The following ATP10A variants were observed in gnomAD, a reference collection of about 807,000 sequenced individuals.
The protein encoded by ATP10A is phospholipid-transporting ATPase VA.
In ATP10A, 111 loss-of-function variants were observed where a neutral mutation model predicts 147.8. The ratio of observed to expected loss-of-function variants is 0.75; its 90% CI spans 0.64 to 0.88. The LOEUF is 0.88. ATP10A is among the 40% of genes least tolerant of loss of function. ATP10A has a pLI of 0.00. For synonymous variants in ATP10A, 875 were observed against 841.6 expected (o/e 1.04, Z -0.69); for missense variants, 1,927 against 1,959.0 (o/e 0.98, Z 0.31).
chr15:25,735,010 G>A (rs1017692380), intron 3 of ATP10A, among the ~76,000 whole-genome samples: 1 of 40,176 alleles, frequency 2.5e-5, no homozygotes, highest in Non-Finnish European at 4.9e-5. Flanking sequence ...GAGCGGGGGG[G>A]GGGTGGGGGG....
rs28804074 is a variant in ATP10A at position 25,827,620 on chromosome 15, G to C, written c.449+35028C>G. ...TTAGATGCTAATTAAAACCCACAAG[G>C]TGATTACTAAGGAAATAACCCCCAA... On this transcript the variant is annotated intron_variant, in intron 1 of 20. Transcript: ENST00000555815. Among the ~76,000 whole-genome samples the C allele has an allele frequency of 7.9e-3, 1,198 of 152,214 alleles. 12 individuals are homozygous for C. The highest frequency in any genetic ancestry group is 0.027 in the African/African-American group (1,132 of 41,528).
rs572474099 is a variant in ATP10A, at chr15:25,701,171, G to C, written c.2760+745C>G. 4.6e-5 allele frequency among the ~76,000 whole-genome samples: 7 copies of C among 152,326 alleles called. No homozygotes were observed. The South Asian group carries it at 1.0e-3, about 23-fold the overall frequency. On this transcript the variant is annotated intron_variant, in intron 13 of 20. Coordinates refer to ENST00000555815, the MANE Select transcript of ATP10A (RefSeq NM_024490.4). ...CTTACAGATGGAGTGAGAGGTCCTA[G>C]AGGCCAGGAGATGAGTGGGGGCTGC...
At chr15:25,711,396 C>T (rs556754973) in intron 10 of ATP10A, among the ~76,000 whole-genome samples, 2 of 152,196 alleles carry the variant, frequency 1.3e-5, no homozygotes, top group African/African-American at 4.8e-5. Context: ...TATCCACACC[C>T]CTCCACCGCT....
intron 1 of ATP10A, among the ~76,000 whole-genome samples, chr15:25,821,906 T>C (rs1256541573): frequency 6.6e-6 from 1 of 152,298 alleles, no homozygotes; most frequent in East Asian, 1.9e-4. Context: ...GGAAATACTG[T>C]GTACCTTTTA....
chr15:25,712,718 C>G (rs1344961713), intron 10 of ATP10A, among the ~76,000 whole-genome samples: 1 of 152,152 alleles, frequency 6.6e-6, no homozygotes, highest in African/African-American at 2.4e-5. Flanking sequence ...GGGAAGATCT[C>G]GCCCCGCGGT....
intron 1 of ATP10A, among the ~76,000 whole-genome samples, chr15:25,820,397 A>G (rs1891830026): frequency 6.6e-6 from 1 of 152,220 alleles, no homozygotes; most frequent in African/African-American, 2.4e-5. Flanking sequence ...GGCTAATACA[A>G]AGACATACCG....
chr15:25,795,959 T>C (rs1651290967), intron 1 of ATP10A, among the ~76,000 whole-genome samples: 2 of 151,884 alleles, frequency 1.3e-5, no homozygotes, highest in Admixed American at 1.3e-4. Context: ...GTGATTCTGC[T>C]CGCCTCTCCC....
chr15:25,773,556 T>A (rs1889448351), intron 2 of ATP10A, among the ~76,000 whole-genome samples: 1 of 152,012 alleles, frequency 6.6e-6, no homozygotes, highest in Admixed American at 6.6e-5. Flanking sequence ...TCCTCAATAG[T>A]GAGATTGGAA....
intron 6 of ATP10A, among the ~76,000 whole-genome samples, chr15:25,722,640 C>T (rs1902314442): frequency 6.6e-6 from 1 of 152,178 alleles, no homozygotes; most frequent in Admixed American, 6.5e-5. Flanking sequence ...AGCTACAGTC[C>T]TAACTCGAGG....
chr15:25,759,388 T>C (rs1888631188), intron 2 of ATP10A, among the ~76,000 whole-genome samples: 1 of 152,316 alleles, frequency 6.6e-6, no homozygotes, highest in East Asian at 1.9e-4. Flanking sequence ...TCAGATTGAC[T>C]AAAATTAGAA....
chr15:25,685,008 G>A (rs1027744869), intron 16 of ATP10A, among the ~76,000 whole-genome samples: 5 of 152,028 alleles, frequency 3.3e-5, no homozygotes, highest in South Asian at 2.1e-4. Flanking sequence ...TCACTCCTAC[G>A]GCTGGCTCTC....
chr15:25,853,435 T>C (rs1000745501), intron 1 of ATP10A, among the ~76,000 whole-genome samples: 2 of 152,180 alleles, frequency 1.3e-5, no homozygotes, highest in Non-Finnish European at 2.9e-5. Context: ...TAAAAGGTTC[T>C]TCCAAACATG....
chr15:25,763,666 G>A (rs1337911508), intron 2 of ATP10A, among the ~76,000 whole-genome samples: 11 of 152,238 alleles, frequency 7.2e-5, no homozygotes, highest in Non-Finnish European at 1.6e-4. Context: ...TGCAGCACCT[G>A]CTGTAAAATG....
At chr15:25,757,263 G>A (rs1347861741) in intron 2 of ATP10A, among the ~76,000 whole-genome samples, 2 of 152,130 alleles carry the variant, frequency 1.3e-5, no homozygotes, top group Middle Eastern at 3.6e-3. Flanking sequence ...GAAGTTACAT[G>A]TTTCTAGTAA....
In ATP10A at chr15:25,862,971, A is replaced by AT; in HGVS notation, c.125_126insA (p.Gly43TrpfsTer146). The AT allele has an allele frequency of 6.6e-7, 1 of 1,509,042 alleles. No individual in the cohort carries two copies. The highest frequency in any genetic ancestry group is 8.8e-7 in the Non-Finnish European group (1 of 1,136,092). The allele number at this position is 1,509,042 out of a possible 1,614,324, so 93.5% of individuals were successfully genotyped here. On this transcript the variant is annotated frameshift_variant, in exon 1 of 21. Coordinates refer to ENST00000555815, the MANE Select transcript of ATP10A (RefSeq NM_024490.4). LOFTEE classifies it high-confidence loss of function. ...GTCGCCGCTCGCCCTTGGCCGCGCC[A>AT]GCCGCAGGGTCCTCGGCGCCCGGGG... is the stretch of plus-strand genomic sequence containing the variant.
At chr15:25,845,433 C>T (rs756426368) in intron 1 of ATP10A, among the ~76,000 whole-genome samples, 1 of 152,066 alleles carries the variant, frequency 6.6e-6, no homozygotes, top group Non-Finnish European at 1.5e-5. Context: ...TGAGCCTCCC[C>T]GGAACTGTTT....
chr15:25,837,681 A>G lies in ATP10A; in HGVS notation c.449+24967T>C, dbSNP rs145230692. On this transcript the variant is annotated intron_variant, in intron 1 of 20. Coordinates refer to ENST00000555815, the MANE Select transcript of ATP10A (RefSeq NM_024490.4). ...CTAACATGAACGAGCGCCACTGGGT[A>G]ATGGACCAGAAGGCAAGCACGTCCA... is the stretch of plus-strand genomic sequence containing the variant. Among the ~76,000 whole-genome samples, 89 of 152,340 alleles carry G rather than the reference A, an allele frequency of 5.8e-4. No homozygotes were observed. The East Asian group carries it at 0.012, about 21-fold the overall frequency.
intron 10 of ATP10A, among the ~76,000 whole-genome samples, chr15:25,712,280 C>T (rs1272897311): frequency 6.6e-6 from 1 of 152,130 alleles, no homozygotes; most frequent in African/African-American, 2.4e-5. Flanking sequence ...GTGTGTTCTG[C>T]TTTTGAGGTT....
At chr15:25,817,703 A>G (rs943935969) in intron 1 of ATP10A, among the ~76,000 whole-genome samples, 1 of 152,218 alleles carries the variant, frequency 6.6e-6, no homozygotes, top group Non-Finnish European at 1.5e-5. Flanking sequence ...CAAAAGAAAT[A>G]ACAAGGTTCA....
Sources: allele counts gnomAD v4.1 joint callset (sites outside exome capture counted in the v4.1 genomes callset), GRCh38; gene constraint gnomAD v4.1.1; transcripts MANE v1.5; gene names NCBI Gene and HGNC (gene_info 2026-07-23, HGNC 2026-07-21).